PPP1R16B: variants seen among roughly 807,000 people sequenced by gnomAD.
PPP1R16B encodes the protein protein phosphatase 1 regulatory subunit 16B.
PPP1R16B carries 14 observed loss-of-function variants against 61.7 expected under a neutral mutation model. That is an observed-to-expected ratio of 0.23 (90% confidence interval 0.15 to 0.35). PPP1R16B has a LOEUF of 0.35. Ranked by LOEUF, PPP1R16B falls within the 10% of genes least tolerant of loss-of-function variation. PPP1R16B has a pLI of 1.00. For missense variants in PPP1R16B, 547 were observed against 752.5 expected (o/e 0.73, Z 3.19); for synonymous variants, 266 against 305.3 (o/e 0.87, Z 1.34).
chr20:38,882,751 A>AC (rs2085211965), intron 2 of PPP1R16B, among the ~76,000 whole-genome samples: 1 of 152,210 alleles, frequency 6.6e-6, no homozygotes, highest in Non-Finnish European at 1.5e-5. Context: ...GGGAAGCTCA[A>AC]TGGAGATTAG....
intron 10 of PPP1R16B, among the ~76,000 whole-genome samples, chr20:38,911,546 T>C (rs1210931476): frequency 6.6e-6 from 1 of 151,910 alleles, no homozygotes; most frequent in East Asian, 1.9e-4. Context: ...TTTTTTTTTT[T>C]TTTAAATTGA....
At chr20:38,865,969 C>T (rs1469198629) in intron 2 of PPP1R16B, among the ~76,000 whole-genome samples, 1 of 151,866 alleles carries the variant, frequency 6.6e-6, no homozygotes, top group African/African-American at 2.4e-5. Flanking sequence ...ACTAAAAATA[C>T]AAAAATTAGC....
intron 1 of PPP1R16B, among the ~76,000 whole-genome samples, chr20:38,820,286 C>T (rs978360817): frequency 6.6e-6 from 1 of 152,210 alleles, no homozygotes; most frequent in Non-Finnish European, 1.5e-5. Context: ...TGGCCGGGCG[C>T]AGTGGCTCAT....
chr20:38,807,540 G>C (rs975101619), intron 1 of PPP1R16B, among the ~76,000 whole-genome samples: 1 of 152,236 alleles, frequency 6.6e-6, no homozygotes, highest in African/African-American at 2.4e-5. Context: ...GTCATAAAAA[G>C]CCAGCTTGCA....
intron 6 of PPP1R16B, 108 bp downstream of exon 6, chr20:38,902,900 C>G: frequency 6.6e-7 from 1 of 1,516,296 alleles, no homozygotes; most frequent in Non-Finnish European, 8.9e-7. Context: ...GACCTTGGAC[C>G]TCCGCAAGAA....
intron 1 of PPP1R16B, among the ~76,000 whole-genome samples, chr20:38,818,422 A>G (rs898114190): frequency 6.6e-6 from 1 of 152,162 alleles, no homozygotes; most frequent in Non-Finnish European, 1.5e-5. Flanking sequence ...AGAGAAAGCT[A>G]AAATGTCAAG....
chr20:38,820,798 C>T (rs1308026074), intron 1 of PPP1R16B, among the ~76,000 whole-genome samples: 3 of 151,670 alleles, frequency 2.0e-5, no homozygotes, highest in East Asian at 1.9e-4. Context: ...TTTGGGAGGC[C>T]GAGGTGGGCG....
chr20:38,886,117 C>T (rs2085243106), intron 2 of PPP1R16B, among the ~76,000 whole-genome samples: 1 of 152,184 alleles, frequency 6.6e-6, no homozygotes, highest in African/African-American at 2.4e-5. Context: ...TTACTGAACT[C>T]TAGAGGCAGG....
Position 38,918,891 on chromosome 20 carries a change from T to C in PPP1R16B, c.*225T>C, listed in dbSNP as rs2085567108. 4.1e-6 allele frequency: 2 copies of C among 488,494 alleles called. No individual in the cohort carries two copies. The highest frequency in any genetic ancestry group is 1.0e-4 in the South Asian group (2 of 19,102). The allele number at this position is 488,494 out of a possible 1,614,324, so 30.3% of individuals were successfully genotyped here. A position where few individuals can be genotyped will look rare whatever the true frequency, so the allele number is the denominator to read the frequency against. ...CGTCTGCCATCTGACACAAGGCCTG[T>C]CGTGGCCTCCTGGTTCACTCTGCTG... On this transcript the variant is annotated 3_prime_UTR_variant, in exon 11 of 11. Transcript: ENST00000299824. This position sits in a 1 kb window ranked among gnomAD's most constrained non-coding sequence, Gnocchi z 5.3.
chr20:38,869,791 T>C (rs188898385), intron 2 of PPP1R16B, among the ~76,000 whole-genome samples: 3 of 152,062 alleles, frequency 2.0e-5, no homozygotes, highest in Admixed American at 2.0e-4. Context: ...AAGGGGAAGA[T>C]AGGATTCCTT....
intron 2 of PPP1R16B, among the ~76,000 whole-genome samples, chr20:38,849,448 CTCTG>C (rs2084953615): frequency 6.6e-6 from 1 of 152,104 alleles, no homozygotes; most frequent in South Asian, 2.1e-4. Context: ...CCATGCTCTA[CTCTG>C]TCTACGTTCT....
intron 3 of PPP1R16B, among the ~76,000 whole-genome samples, chr20:38,893,363 T>C (rs1349011318): frequency 1.3e-5 from 2 of 152,126 alleles, no homozygotes; most frequent in African/African-American, 4.8e-5. Context: ...GATTTTCTTC[T>C]CTTGGCAACA....
intron 1 of PPP1R16B, among the ~76,000 whole-genome samples, chr20:38,835,047 ATATCT>A (rs2084860730): frequency 6.6e-6 from 1 of 152,224 alleles, no homozygotes; most frequent in African/African-American, 2.4e-5. Context: ...AAGGTTAGTA[ATATCT>A]TAGTATAGTT....
chr20:38,908,700 CCTTTAAG>C (rs2085466146), intron 10 of PPP1R16B, among the ~76,000 whole-genome samples: 1 of 152,206 alleles, frequency 6.6e-6, no homozygotes, highest in African/African-American at 2.4e-5. Flanking sequence ...AGCCAATGGT[CCTTTAAG>C]CTTTAAGCTG....
At chr20:38,824,029 C>T (rs1446179028) in intron 1 of PPP1R16B, among the ~76,000 whole-genome samples, 3 of 152,162 alleles carry the variant, frequency 2.0e-5, no homozygotes, top group Admixed American at 1.3e-4. Flanking sequence ...ATGCTAACCA[C>T]ACACAACTGG....
At position 38,806,288 on chromosome 20, in the gene PPP1R16B, C is replaced by G. The variant is rs921548132; in HGVS notation, c.-102+496C>G. Among the ~76,000 whole-genome samples the G allele has an allele frequency of 6.6e-6, 1 of 152,008 alleles. No individual in the cohort carries two copies. Among genetic ancestry groups the G allele is most frequent in the Admixed American group, 6.5e-5 (1 of 15,282 alleles). Reference sequence around the variant, plus strand: ...TTGGTCCTGGCGGGCAGCGGCAGGGCGCAGAGAGCGCTCCTGCCCGGGCGG... The same window carrying G: ...TTGGTCCTGGCGGGCAGCGGCAGGGGGCAGAGAGCGCTCCTGCCCGGGCGG... On this transcript the variant is annotated intron_variant, in intron 1 of 10. Coordinates refer to ENST00000299824, the MANE Select transcript of PPP1R16B (RefSeq NM_015568.4). This position sits in a 1 kb window ranked among gnomAD's most constrained non-coding sequence, Gnocchi z 4.5.
intron 1 of PPP1R16B, among the ~76,000 whole-genome samples, chr20:38,812,298 G>A (rs1164141876): frequency 6.6e-6 from 1 of 152,238 alleles, no homozygotes; most frequent in East Asian, 1.9e-4. Flanking sequence ...GGTGCTGTCA[G>A]CTGGGCCCTT....
intron 2 of PPP1R16B, among the ~76,000 whole-genome samples, chr20:38,845,008 A>G (rs1267696287): frequency 6.6e-6 from 1 of 151,662 alleles, no homozygotes; most frequent in Non-Finnish European, 1.5e-5. Flanking sequence ...GAGACAAGGA[A>G]ATGAACCTAC....
At chr20:38,890,087 A>C (rs1414933288) in intron 3 of PPP1R16B, among the ~76,000 whole-genome samples, 1 of 152,194 alleles carries the variant, frequency 6.6e-6, no homozygotes, top group Non-Finnish European at 1.5e-5. Flanking sequence ...GTCTTGAGCC[A>C]TGTGCTATCA....
Sources: gnomAD v4.1 joint callset for allele counts (sites outside exome capture counted in the v4.1 genomes callset) on GRCh38, gnomAD v4.1.1 for gene constraint, Gnocchi (gnomAD v3.1) non-coding constraint, MANE v1.5 for transcripts, NCBI Gene and HGNC (gene_info 2026-07-23, HGNC 2026-07-21) for gene names.